PRTFDC1: variants seen among roughly 807,000 people sequenced by gnomAD.
PRTFDC1 encodes phosphoribosyltransferase domain-containing protein 1.
PRTFDC1 carries 38 observed loss-of-function variants against 34.6 expected under a neutral mutation model. That is an observed-to-expected ratio of 1.10 (90% confidence interval 0.85 to 1.44). The LOEUF (loss-of-function observed/expected upper bound fraction) is 1.44. Ranked by LOEUF, PRTFDC1 falls within the 40% of genes most tolerant of loss-of-function variation. The pLI is 0.00. For missense variants in PRTFDC1, 270 were observed against 283.0 expected (o/e 0.95, Z 0.33); for synonymous variants, 93 against 98.1 (o/e 0.95, Z 0.31).
At chr10:24,855,399 A>C (rs201467318) in intron 6 of PRTFDC1, 35 bp from the exon 7 acceptor site, 2 of 1,607,280 alleles carry the variant, frequency 1.2e-6, no homozygotes, top group Non-Finnish European at 1.7e-6. Context: ...AGTGAACCCA[A>C]TCAAATCTCT....
intron 3 of PRTFDC1, among the ~76,000 whole-genome samples, chr10:24,905,540 C>A (rs1482492407): frequency 1.3e-5 from 2 of 151,864 alleles, no homozygotes; most frequent in African/African-American, 4.8e-5. Context: ...CAAAAGGTCT[C>A]CTGACCTTTT....
intron 3 of PRTFDC1, among the ~76,000 whole-genome samples, chr10:24,931,629 G>A (rs550842567): frequency 6.6e-6 from 1 of 151,760 alleles, no homozygotes; most frequent in Admixed American, 6.6e-5. Context: ...TAGATAAAAT[G>A]GACAAATGCC....
intron 3 of PRTFDC1, among the ~76,000 whole-genome samples, chr10:24,927,091 T>A (rs746869043): frequency 6.6e-6 from 1 of 152,148 alleles, no homozygotes; most frequent in African/African-American, 2.4e-5. Flanking sequence ...TAAAAAAAAA[T>A]TTCACTTCAT....
intron 3 of PRTFDC1, among the ~76,000 whole-genome samples, chr10:24,874,993 G>A (rs2132516254): frequency 6.6e-6 from 1 of 152,260 alleles, no homozygotes; most frequent in East Asian, 1.9e-4. Flanking sequence ...CTGCCATCAT[G>A]TGAAGAAGGG....
chr10:24,862,622 C>G (rs1323338467), intron 4 of PRTFDC1, among the ~76,000 whole-genome samples: 2 of 151,848 alleles, frequency 1.3e-5, no homozygotes, highest in African/African-American at 4.8e-5. Flanking sequence ...TGATCTGCCC[C>G]TCTTGGCCTC....
At chr10:24,866,252 T>A (rs1463943592) in intron 4 of PRTFDC1, among the ~76,000 whole-genome samples, 3 of 149,680 alleles carry the variant, frequency 2.0e-5, no homozygotes. Flanking sequence ...TCCCAGCCAC[T>A]CAGGAGGCTG....
intron 3 of PRTFDC1, among the ~76,000 whole-genome samples, chr10:24,898,286 C>CA (rs34691185): frequency 0.042 from 3,151 of 75,188 alleles, 81 homozygotes; most frequent in Non-Finnish European, 0.054. Context: ...CCCGTCTCTA[C>CA]AAAAAAAAAA....
At chr10:24,894,836 A>T (rs1444827930) in intron 3 of PRTFDC1, among the ~76,000 whole-genome samples, 1 of 152,188 alleles carries the variant, frequency 6.6e-6, no homozygotes, top group East Asian at 1.9e-4. Context: ...GCCTTGGGCA[A>T]ATGAACCCTT....
At chr10:24,878,354 C>A (rs1024272947) in intron 3 of PRTFDC1, among the ~76,000 whole-genome samples, 1 of 152,118 alleles carries the variant, frequency 6.6e-6, no homozygotes, top group African/African-American at 2.4e-5. Context: ...CGCCTGACTG[C>A]ACAACATTCT....
chr10:24,855,072 A>G (rs186958899), intron 7 of PRTFDC1, among the ~76,000 whole-genome samples: 4 of 152,260 alleles, frequency 2.6e-5, no homozygotes, highest in Admixed American at 2.0e-4. Flanking sequence ...AAAATACCCA[A>G]TGCACGGAAC....
intron 3 of PRTFDC1, among the ~76,000 whole-genome samples, chr10:24,898,955 A>G (rs1848411054): frequency 6.6e-6 from 1 of 152,002 alleles, no homozygotes; most frequent in African/African-American, 2.4e-5. Context: ...TCTGGATACA[A>G]GAAGCTGGCC....
At chr10:24,919,874 A>T (rs914296378) in intron 3 of PRTFDC1, among the ~76,000 whole-genome samples, 1 of 152,154 alleles carries the variant, frequency 6.6e-6, no homozygotes. Flanking sequence ...ATGAAAAAAA[A>T]CTCAACATCA....
intron 7 of PRTFDC1, among the ~76,000 whole-genome samples, chr10:24,854,951 C>T (rs146991209): frequency 2.0e-4 from 31 of 152,270 alleles, no homozygotes; most frequent in African/African-American, 6.7e-4. Context: ...GAGGCCAAGG[C>T]GGGGATCCTA....
intron 4 of PRTFDC1, among the ~76,000 whole-genome samples, chr10:24,865,236 C>T (rs1847755730): frequency 6.6e-6 from 1 of 152,146 alleles, no homozygotes; most frequent in Non-Finnish European, 1.5e-5. Flanking sequence ...TTCACTTTCT[C>T]TGGTTCATTG....
chr10:24,872,509 G>A (rs1460011088), intron 3 of PRTFDC1, among the ~76,000 whole-genome samples: 4 of 151,778 alleles, frequency 2.6e-5, no homozygotes, highest in South Asian at 2.1e-4. Flanking sequence ...CTGAGAGACC[G>A]GAGGCCTCCT....
intron 3 of PRTFDC1, among the ~76,000 whole-genome samples, chr10:24,918,849 T>C (rs1238724407): frequency 6.6e-6 from 1 of 152,012 alleles, no homozygotes; most frequent in African/African-American, 2.4e-5. Flanking sequence ...TAAAAATGAG[T>C]TCCTTGCCAA....
At chr10:24,882,213 A>AAAAAG (rs1169046849) in intron 3 of PRTFDC1, among the ~76,000 whole-genome samples, 65 of 150,468 alleles carry the variant, frequency 4.3e-4, no homozygotes, top group African/African-American at 1.5e-3. Context: ...TCAAAAAAAA[A>AAAAAG]AAAAAAGAAA....
chr10:24,927,823 G>C (rs1848903646), intron 3 of PRTFDC1, among the ~76,000 whole-genome samples: 1 of 147,886 alleles, frequency 6.8e-6, no homozygotes, highest in Admixed American at 6.8e-5. Flanking sequence ...CCTGTGATCT[G>C]CCTGCCTCAG....
chr10:24,852,605 TG>T (rs950759079), intron 7 of PRTFDC1, among the ~76,000 whole-genome samples: 11 of 152,216 alleles, frequency 7.2e-5, no homozygotes, highest in African/African-American at 2.7e-4. Context: ...TAATACTTAT[TG>T]GAGAGAATTC....
Sources: allele counts gnomAD v4.1 joint callset (sites outside exome capture counted in the v4.1 genomes callset), GRCh38; gene constraint gnomAD v4.1.1; transcripts MANE v1.5; gene names NCBI Gene and HGNC (gene_info 2026-07-23, HGNC 2026-07-21).